The following CREG2 variants were observed in gnomAD, a reference collection of about 807,000 sequenced individuals.
CREG2 encodes protein CREG2.
A neutral mutation model predicts 26.2 loss-of-function variants in CREG2; 24 were observed. The ratio of observed to expected loss-of-function variants is 0.92; its 90% CI spans 0.66 to 1.29. The LOEUF (loss-of-function observed/expected upper bound fraction) is 1.29, where lower values mean the gene tolerates loss of function less well. Ranked by LOEUF, CREG2 falls within the 50% of genes most tolerant of loss-of-function variation. The pLI, the probability that CREG2 is intolerant of heterozygous loss-of-function variation, is 0.00. For synonymous variants in CREG2, 174 were observed against 169.2 expected (o/e 1.03, Z -0.22); for missense variants, 366 against 398.6 (o/e 0.92, Z 0.70).
chr2:101,346,298 G>A lies in CREG2; in HGVS notation c.*4625C>T, dbSNP rs1352668760. On this transcript the variant is annotated 3_prime_UTR_variant, in exon 4 of 4. Transcript: ENST00000324768. ...TGGTGGTCTGGATAGACTTTAATTA[G>A]CTTATTCACTAAAACAGAATTATTT... 1 of 152,080 alleles carries A rather than the reference G, an allele frequency of 6.6e-6. No individual in the cohort carries two copies. Among genetic ancestry groups the A allele is most frequent in the Non-Finnish European group, 1.5e-5 (1 of 68,026 alleles). 9.4% of individuals were successfully genotyped at this position (152,080 alleles called of 1,614,324 possible).
intron 2 of CREG2, among the ~76,000 whole-genome samples, chr2:101,380,595 C>T (rs1189141610): frequency 6.6e-6 from 1 of 152,204 alleles, no homozygotes; most frequent in Admixed American, 6.5e-5. Context: ...TCCCCAGCTG[C>T]ACAGACTAAC....
chr2:101,355,073 C>T (rs186376075), intron 3 of CREG2, among the ~76,000 whole-genome samples, 180 bp downstream of exon 3: 3 of 152,314 alleles, frequency 2.0e-5, no homozygotes, highest in African/African-American at 7.2e-5. Context: ...GAGGCATTCA[C>T]CCGGCTTCTG....
intron 1 of CREG2, among the ~76,000 whole-genome samples, chr2:101,385,305 C>T (rs1179037257): frequency 6.6e-6 from 1 of 152,066 alleles, no homozygotes; most frequent in African/African-American, 2.4e-5. Context: ...CCTTAGCCTC[C>T]CAAGTTGCTG....
intron 1 of CREG2, among the ~76,000 whole-genome samples, chr2:101,384,141 G>C (rs748672123): frequency 2.9e-4 from 44 of 152,176 alleles, no homozygotes; most frequent in Non-Finnish European, 6.2e-4. Flanking sequence ...CAACTTTAGG[G>C]AGGATGTTTA....
chr2:101,371,439 G>A (rs1368162730), intron 2 of CREG2, among the ~76,000 whole-genome samples: 1 of 152,228 alleles, frequency 6.6e-6, no homozygotes, highest in Non-Finnish European at 1.5e-5. Context: ...GGGAAAGGGA[G>A]GCTGAGCCAG....
intron 1 of CREG2, among the ~76,000 whole-genome samples, chr2:101,383,993 CACTT>C (rs1244236025): frequency 6.6e-6 from 1 of 152,208 alleles, no homozygotes; most frequent in East Asian, 1.9e-4. Flanking sequence ...CAGATATACT[CACTT>C]TGTTAAATTT....
chr2:101,357,229 G>A lies in CREG2; in HGVS notation c.612-1863C>T, dbSNP rs1684476045. ...ATAGAGATGGGGTTTCACCGTGTTG[G>A]TCAGGCTGGTCTTGAACTCCTGACC... On this transcript the variant is annotated intron_variant, in intron 2 of 3. Coordinates refer to ENST00000324768, the MANE Select transcript of CREG2 (RefSeq NM_153836.4). Among the ~76,000 whole-genome samples, 5 of 151,784 alleles carry A rather than the reference G, an allele frequency of 3.3e-5. No individual in the cohort carries two copies. In the South Asian group the frequency reaches 1.0e-3, roughly 32 times the overall value.
intron 1 of CREG2, 81 bp from the exon 2 acceptor site, chr2:101,383,783 A>G (rs1184118911): frequency 3.0e-6 from 4 of 1,331,654 alleles, no homozygotes; most frequent in Non-Finnish European, 4.1e-6. Flanking sequence ...GCCTCTGGCT[A>G]GGAAATACAA....
intron 2 of CREG2, among the ~76,000 whole-genome samples, chr2:101,368,890 G>A (rs1392495714): frequency 6.6e-6 from 1 of 152,164 alleles, no homozygotes; most frequent in Non-Finnish European, 1.5e-5. Flanking sequence ...CCAGAACTGT[G>A]GGAAATAAGT....
intron 2 of CREG2, among the ~76,000 whole-genome samples, chr2:101,380,411 C>G (rs1374705019): frequency 6.6e-6 from 1 of 152,256 alleles, no homozygotes; most frequent in Non-Finnish European, 1.5e-5. Flanking sequence ...AATGCCCCCT[C>G]TCCCAGGGAT....
chr2:101,384,873 A>G (rs1015828940), intron 1 of CREG2, among the ~76,000 whole-genome samples: 7 of 152,006 alleles, frequency 4.6e-5, no homozygotes, highest in Non-Finnish European at 8.8e-5. Flanking sequence ...AAATAAATAA[A>G]TAAAAATAAA....
chr2:101,369,819 T>C (rs550284820), intron 2 of CREG2, among the ~76,000 whole-genome samples: 1 of 152,372 alleles, frequency 6.6e-6, no homozygotes, highest in South Asian at 2.1e-4. Context: ...GTGGCCTGCA[T>C]GGACCTGCGT....
chr2:101,383,754 A>ATCTGGGAGCTTAGCTTGTGCC lies in CREG2; in HGVS notation c.442-73_442-53dup, dbSNP rs1226487755. 1.0e-5 allele frequency: 15 copies of ATCTGGGAGCTTAGCTTGTGCC among 1,504,524 alleles called. No homozygotes were observed. In the African/African-American group the frequency reaches 1.8e-4, roughly 18 times the overall value. The allele number at this position is 1,504,524 out of a possible 1,614,324, so 93.2% of individuals were successfully genotyped here. A position where few individuals can be genotyped will look rare whatever the true frequency, so the allele number is the denominator to read the frequency against. ...CAGTGCAGAGCTGTGGCTCGACTTG[A>ATCTGGGAGCTTAGCTTGTGCC]TCTGGGAGCTTAGCTTGTGCCTCTG... On this transcript the variant is annotated intron_variant, in intron 1 of 3. Coordinates refer to ENST00000324768, the MANE Select transcript of CREG2 (RefSeq NM_153836.4).
At chr2:101,374,571 G>C (rs1046364303) in intron 2 of CREG2, among the ~76,000 whole-genome samples, 3 of 152,212 alleles carry the variant, frequency 2.0e-5, no homozygotes, top group African/African-American at 7.2e-5. Flanking sequence ...TCTGGGCCCT[G>C]GGCTTTGAAA....
intron 2 of CREG2, among the ~76,000 whole-genome samples, chr2:101,368,506 C>T (rs539675115): frequency 7.2e-5 from 11 of 152,272 alleles, no homozygotes; most frequent in African/African-American, 2.4e-4. Context: ...GCAAGAAAGA[C>T]GTGGTCCTGG....
rs916330938 is a variant in CREG2, at chr2:101,351,029, A to C, written c.767T>G (p.Phe256Cys). 17 of 1,614,068 alleles carry C rather than the reference A, an allele frequency of 1.1e-5. No homozygotes were observed. Among genetic ancestry groups the C allele is most frequent in the Non-Finnish European group, 1.0e-5 (12 of 1,180,010 alleles). ...ATGTTCTATCCTCATCTTCATAAAG[A>C]ACCATTCATATTGACGAGGCCACTT... ...MRKWPRQYEW[F>C]FMKMRIEHIW... Residue 256 changes from phenylalanine (F) to cysteine (C), a missense_variant, in exon 4 of 4, where the codon TTC becomes TGC. This residue lies in a region of CREG2 where 174 missense variants were observed against 178.2 expected (regional missense o/e 0.98). Transcript: ENST00000324768.
rs1684307954 is a variant in CREG2 at position 101,346,410 on chromosome 2, T to C, written c.*4513A>G. 1 of 152,244 alleles carries C rather than the reference T, an allele frequency of 6.6e-6. No homozygotes were observed. Among genetic ancestry groups the C allele is most frequent in the Non-Finnish European group, 1.5e-5 (1 of 68,046 alleles). The allele number at this position is 152,244 out of a possible 1,614,324, so 9.4% of individuals were successfully genotyped here. On this transcript the variant is annotated 3_prime_UTR_variant, in exon 4 of 4. Transcript: ENST00000324768. ...ATCATTATATACACACTTGGATACTTATATACACCTATAGCTTACTCAACG... is the reference window on the plus strand; with the variant it reads ...ATCATTATATACACACTTGGATACTCATATACACCTATAGCTTACTCAACG...
At chr2:101,383,446 G>A in intron 2 of CREG2, 87 bp downstream of exon 2, 1 of 1,282,072 alleles carries the variant, frequency 7.8e-7, no homozygotes, top group Non-Finnish European at 1.1e-6. Context: ...TTCTGTTAAA[G>A]TCATGTGACC....
intron 2 of CREG2, among the ~76,000 whole-genome samples, chr2:101,357,729 G>A (rs887433828): frequency 6.6e-6 from 1 of 151,946 alleles, no homozygotes; most frequent in Non-Finnish European, 1.5e-5. Flanking sequence ...ATTAACCCCT[G>A]TTTAGAAGTA....
Sources: allele counts gnomAD v4.1 joint callset (sites outside exome capture counted in the v4.1 genomes callset), GRCh38; gene constraint gnomAD v4.1.1; regional missense constraint gnomAD v4.1.1; transcripts MANE v1.5; gene names NCBI Gene and HGNC (gene_info 2026-07-23, HGNC 2026-07-21).